TMEM272: variants seen among roughly 807,000 people sequenced by gnomAD.
The protein encoded by TMEM272 is transmembrane protein 272.
A neutral mutation model predicts 3.7 loss-of-function variants in TMEM272; 8 were observed. That is an observed-to-expected ratio of 2.17 (90% CI 1.27 to 3.91). The LOEUF (loss-of-function observed/expected upper bound fraction) is 3.91, where lower values mean the gene tolerates loss of function less well. Ranked by LOEUF, TMEM272 falls within the 30% of genes most tolerant of loss-of-function variation. The pLI is 0.00. For synonymous variants in TMEM272, 63 were observed against 39.8 expected (o/e 1.58, Z -2.20); for missense variants, 166 against 91.5 (o/e 1.81, Z -3.32).
the TMEM272 span, among the ~76,000 whole-genome samples, chr13:51,859,798 A>T: frequency 6.6e-6 from 1 of 152,208 alleles, no homozygotes; most frequent in South Asian, 2.1e-4. Context: ...TCCAACTTCA[A>T]CAAAATTTTT....
the TMEM272 span, among the ~76,000 whole-genome samples, chr13:51,915,857 G>A: frequency 6.6e-6 from 1 of 152,156 alleles, no homozygotes; most frequent in Non-Finnish European, 1.5e-5. Context: ...GGCGGGTCAC[G>A]AGGTCAAGAG....
chr13:51,897,851 C>T, the TMEM272 span, among the ~76,000 whole-genome samples: 8,099 of 141,198 alleles, frequency 0.057, 262 homozygotes, highest in Middle Eastern at 0.12. Context: ...CACTTGAACC[C>T]AGGAGGCGGA....
chr13:51,887,117 A>G, the TMEM272 span, among the ~76,000 whole-genome samples: 1 of 152,172 alleles, frequency 6.6e-6, no homozygotes, highest in South Asian at 2.1e-4. Flanking sequence ...AAGTCCCTAC[A>G]AGGCAGTGTG....
At chr13:51,865,290 C>A in the TMEM272 span, 1 of 1,054,022 alleles carries the variant, frequency 9.5e-7, no homozygotes, top group Non-Finnish European at 1.4e-6. Context: ...CGTCCCCTGG[C>A]ATGTGATACT....
intron 2 of TMEM272, among the ~76,000 whole-genome samples, chr13:51,834,320 A>G (rs1956197257): frequency 6.6e-6 from 1 of 152,106 alleles, no homozygotes; most frequent in South Asian, 2.1e-4. Flanking sequence ...ATAATGGCTT[A>G]CCACAGAGCA....
At chr13:51,906,330 T>A in the TMEM272 span, among the ~76,000 whole-genome samples, 1 of 152,070 alleles carries the variant, frequency 6.6e-6, no homozygotes, top group Admixed American at 6.5e-5. Context: ...CTCCCATAGC[T>A]CCACCCTTGG....
chr13:51,822,963 C>A (rs1003975057), intron 3 of TMEM272, among the ~76,000 whole-genome samples: 1 of 152,256 alleles, frequency 6.6e-6, no homozygotes, highest in Admixed American at 6.5e-5. Flanking sequence ...CAGATGAATT[C>A]TAACACACAC....
the TMEM272 span, among the ~76,000 whole-genome samples, chr13:51,887,415 G>A: frequency 1.1e-4 from 16 of 152,306 alleles, no homozygotes; most frequent in Middle Eastern, 3.4e-3. Flanking sequence ...AGTGATTCAA[G>A]TCGTCTCTAT....
At chr13:51,856,895 T>G in the TMEM272 span, among the ~76,000 whole-genome samples, 5 of 152,184 alleles carry the variant, frequency 3.3e-5, no homozygotes, top group African/African-American at 1.2e-4. Flanking sequence ...AGAAATACAC[T>G]TCAATAATGA....
chr13:51,928,197 A>G, the TMEM272 span, among the ~76,000 whole-genome samples: 1 of 152,320 alleles, frequency 6.6e-6, no homozygotes, highest in African/African-American at 2.4e-5. Flanking sequence ...AGCAGGCCCC[A>G]GAACAGGAAC....
the TMEM272 span, among the ~76,000 whole-genome samples, chr13:51,915,973 C>A: frequency 4.0e-5 from 6 of 151,806 alleles, no homozygotes; most frequent in Non-Finnish European, 5.9e-5. Flanking sequence ...CTCGGGAGGC[C>A]GAGGCAGGAG....
chr13:51,899,425 G>A, the TMEM272 span, among the ~76,000 whole-genome samples: 1 of 152,116 alleles, frequency 6.6e-6, no homozygotes, highest in Non-Finnish European at 1.5e-5. Context: ...CTTCTAATCA[G>A]CAACATTTGG....
the TMEM272 span, among the ~76,000 whole-genome samples, chr13:51,897,362 ATTTTTTTTTTT>A: frequency 2.2e-3 from 185 of 82,418 alleles, 1 homozygote; most frequent in African/African-American, 7.0e-3. Flanking sequence ...TGTCTGGCTA[ATTTTTTTTTTT>A]TTTTTTTTTT....
chr13:51,817,095 CG>C lies in TMEM272; in HGVS notation c.219del (p.Tyr73Ter), dbSNP rs1006141572. 11 of 702,390 alleles carry C rather than the reference CG, an allele frequency of 1.6e-5. No homozygotes were observed. In the African/African-American group the frequency reaches 1.9e-4, roughly 12 times the overall value. 43.5% of individuals were successfully genotyped at this position (702,390 alleles called of 1,614,324 possible). ...AGCAGCCGCCTCATCCTGGTGGAGTCGTACAACAGGAGAGACACCTGGGGCG... is the reference window on the plus strand; with the variant it reads ...AGCAGCCGCCTCATCCTGGTGGAGTCTACAACAGGAGAGACACCTGGGGCG... The part of the protein sequence containing the change: ...VGTLKVSLLL[Y>X]DSTRMRRLLS... On this transcript the variant is annotated frameshift_variant, in exon 5 of 5. Coordinates refer to ENST00000629372, the MANE Select transcript of TMEM272 (RefSeq NM_001351003.2). LOFTEE classifies it low-confidence loss of function (END_TRUNC).
chr13:51,904,949 T>C, the TMEM272 span, among the ~76,000 whole-genome samples: 3 of 152,194 alleles, frequency 2.0e-5, no homozygotes, highest in South Asian at 6.2e-4. Flanking sequence ...AATAGATAAT[T>C]GCTGTGGGAG....
the TMEM272 span, among the ~76,000 whole-genome samples, chr13:51,858,321 C>A: frequency 6.6e-6 from 1 of 152,106 alleles, no homozygotes. Flanking sequence ...ACATTTACCA[C>A]AATTGAATGT....
At chr13:51,845,618 T>C (rs1566359257), upstream of TMEM272, among the ~76,000 whole-genome samples, 1 of 152,206 alleles carries the variant, frequency 6.6e-6, no homozygotes, top group Non-Finnish European at 1.5e-5. Flanking sequence ...AGAATGAAGT[T>C]ACAAGAAGGC....
At chr13:51,909,316 C>T in the TMEM272 span, 1 of 933,840 alleles carries the variant, frequency 1.1e-6, no homozygotes, top group South Asian at 1.3e-5. Flanking sequence ...AGTTCTTCTT[C>T]AAGATCTTTG....
At chr13:51,891,391 A>G in the TMEM272 span, among the ~76,000 whole-genome samples, 1 of 152,254 alleles carries the variant, frequency 6.6e-6, no homozygotes, top group Non-Finnish European at 1.5e-5. Flanking sequence ...TTAGCCAACA[A>G]GCACACAAGC....
Sources: allele counts gnomAD v4.1 joint callset (sites outside exome capture counted in the v4.1 genomes callset), GRCh38; gene constraint gnomAD v4.1.1; transcripts MANE v1.5; gene names NCBI Gene and HGNC (gene_info 2026-07-23, HGNC 2026-07-21).